The following SLC67A2 variants were observed in gnomAD, a reference collection of about 807,000 sequenced individuals.
SLC67A2 encodes solute carrier family 67 member 2, also known as solute carrier family 67 member A2.
At chr2:102,731,129 G>A in the SLC67A2 span, 1 of 1,424,850 alleles carries the variant, frequency 7.0e-7, no homozygotes, top group Non-Finnish European at 9.9e-7. Flanking sequence ...ATGGATTAAT[G>A]TGATAACAAT....
At chr2:102,718,907 C>T in the SLC67A2 span, 582 of 1,614,206 alleles carry the variant, frequency 3.6e-4, no homozygotes, top group Non-Finnish European at 4.4e-4. Flanking sequence ...CACCCCAAAG[C>T]GCTCCTCCAG....
At chr2:102,726,733 A>C in the SLC67A2 span, 2 of 1,435,562 alleles carry the variant, frequency 1.4e-6, no homozygotes, top group Non-Finnish European at 1.9e-6. Flanking sequence ...TTAAGCAAGT[A>C]AGGATGTTGA....
the SLC67A2 span, chr2:102,716,036 G>T: frequency 6.6e-6 from 1 of 152,128 alleles, no homozygotes; most frequent in Non-Finnish European, 1.5e-5. Flanking sequence ...TGGTCTCTGG[G>T]TCACACTTTA....
At chr2:102,724,626 C>A in the SLC67A2 span, among the ~76,000 whole-genome samples, 1 of 152,196 alleles carries the variant, frequency 6.6e-6, no homozygotes, top group Non-Finnish European at 1.5e-5. Flanking sequence ...ATTCTGGTAA[C>A]CAGCGGCCCA....
At chr2:102,730,319 G>A in the SLC67A2 span, among the ~76,000 whole-genome samples, 1 of 152,214 alleles carries the variant, frequency 6.6e-6, no homozygotes, top group Non-Finnish European at 1.5e-5. Flanking sequence ...TGAGTAGCTG[G>A]GACTGCAGAT....
the SLC67A2 span, among the ~76,000 whole-genome samples, chr2:102,730,628 C>G: frequency 6.6e-6 from 1 of 150,848 alleles, no homozygotes; most frequent in Non-Finnish European, 1.5e-5. Flanking sequence ...CTGCAAACTC[C>G]GCCTCCCGGC....
chr2:102,726,329 G>T, the SLC67A2 span, among the ~76,000 whole-genome samples: 3 of 152,220 alleles, frequency 2.0e-5, no homozygotes, highest in Non-Finnish European at 4.4e-5. Context: ...AATTCTTACT[G>T]AATGATGTAG....
the SLC67A2 span, among the ~76,000 whole-genome samples, chr2:102,724,100 C>T: frequency 6.6e-6 from 1 of 152,156 alleles, no homozygotes; most frequent in African/African-American, 2.4e-5. Flanking sequence ...TCTGCCGGTT[C>T]CATCCCACCG....
At chr2:102,736,610 T>A in the SLC67A2 span, 1 of 1,613,450 alleles carries the variant, frequency 6.2e-7, no homozygotes, top group Non-Finnish European at 8.5e-7. Context: ...CCGAACACAG[T>A]CAGCACTTGC....
At chr2:102,723,830 G>A in the SLC67A2 span, 17 of 1,614,176 alleles carry the variant, frequency 1.1e-5, no homozygotes, top group East Asian at 2.2e-5. Flanking sequence ...TGAAGTGTCC[G>A]ATTACAAGCG....
the SLC67A2 span, chr2:102,727,100 G>T: frequency 1.1e-6 from 1 of 947,000 alleles, no homozygotes; most frequent in Non-Finnish European, 1.5e-6. Context: ...CAGATGCTCA[G>T]TTCCATGATG....
the SLC67A2 span, chr2:102,723,705 T>C: frequency 3.3e-4 from 535 of 1,613,962 alleles, 2 homozygotes; most frequent in South Asian, 2.4e-3. Flanking sequence ...CTTACCAGCA[T>C]TGAGAATGAA....
chr2:102,729,331 A>G, the SLC67A2 span, among the ~76,000 whole-genome samples: 16 of 152,350 alleles, frequency 1.1e-4, no homozygotes, highest in African/African-American at 3.8e-4. Flanking sequence ...CTGATAAGTA[A>G]GAGTATAAAA....
the SLC67A2 span, chr2:102,736,592 C>G: frequency 5.0e-6 from 8 of 1,613,248 alleles, no homozygotes; most frequent in Non-Finnish European, 5.9e-6. Context: ...CCGCCTGGGT[C>G]CCCAGGCCCG....
the SLC67A2 span, chr2:102,715,805 TACTC>T: frequency 6.6e-6 from 1 of 152,226 alleles, no homozygotes; most frequent in Admixed American, 6.5e-5. Context: ...CTACAGAAGT[TACTC>T]AAGAGAATTT....
At chr2:102,719,421 GA>G in the SLC67A2 span, among the ~76,000 whole-genome samples, 2,559 of 152,112 alleles carry the variant, frequency 0.017, 66 homozygotes, top group African/African-American at 0.056. Context: ...CTTTAAAAAA[GA>G]ACACCACGAT....
the SLC67A2 span, among the ~76,000 whole-genome samples, chr2:102,723,478 A>C: frequency 6.6e-6 from 1 of 151,332 alleles, no homozygotes; most frequent in African/African-American, 2.4e-5. Context: ...TCAAAAAAGA[A>C]AAAAAAAATA....
the SLC67A2 span, among the ~76,000 whole-genome samples, chr2:102,735,553 T>C: frequency 1.3e-5 from 2 of 152,164 alleles, no homozygotes; most frequent in African/African-American, 2.4e-5. Flanking sequence ...GCAGCTTCCT[T>C]ACCCTCAAGA....
chr2:102,715,794 G>A, the SLC67A2 span: 3 of 152,142 alleles, frequency 2.0e-5, no homozygotes, highest in Admixed American at 6.5e-5. Context: ...ACTGGAAAGG[G>A]CTACAGAAGT....
Sources: allele counts gnomAD v4.1 joint callset (sites outside exome capture counted in the v4.1 genomes callset), GRCh38; gene constraint gnomAD v4.1.1; transcripts MANE v1.5; gene names NCBI Gene and HGNC (gene_info 2026-07-23, HGNC 2026-07-21).